The following RABGEF1 variants were observed in gnomAD, a reference collection of about 807,000 sequenced individuals.
The protein encoded by RABGEF1 is rab5 GDP/GTP exchange factor.
In RABGEF1, 26 loss-of-function variants were observed where a neutral mutation model predicts 57.3. The observed-to-expected ratio is 0.45, with a 90% CI of 0.33 to 0.63. The LOEUF (loss-of-function observed/expected upper bound fraction) is 0.63, where lower values mean the gene tolerates loss of function less well. RABGEF1 is among the 20% of genes least tolerant of loss of function. The pLI, the probability that RABGEF1 is intolerant of heterozygous loss-of-function variation, is 0.02. For missense variants in RABGEF1, 464 were observed against 607.6 expected (o/e 0.76, Z 2.48); for synonymous variants, 185 against 210.7 (o/e 0.88, Z 1.06).
chr7:66,757,799 G>A (rs1803142578), intron 1 of RABGEF1, among the ~76,000 whole-genome samples: 1 of 152,126 alleles, frequency 6.6e-6, no homozygotes, highest in Non-Finnish European at 1.5e-5. Context: ...TTTTAGTAGA[G>A]ACGGGGTTTC....
At chr7:66,792,092 CAG>C (rs1812814480) in intron 4 of RABGEF1, among the ~76,000 whole-genome samples, 1 of 141,178 alleles carries the variant, frequency 7.1e-6, no homozygotes, top group East Asian at 2.0e-4. Flanking sequence ...AGCCTGGCGA[CAG>C]AGCGAGACTC....
At chr7:66,709,772 T>C (rs62466146) in intron 1 of RABGEF1, among the ~76,000 whole-genome samples, 5,997 of 152,152 alleles carry the variant, frequency 0.039, 166 homozygotes, top group East Asian at 0.085. Flanking sequence ...CAAAACTCCA[T>C]GTCAAAGAAA....
chr7:66,779,917 A>G (rs1225185476), intron 3 of RABGEF1, among the ~76,000 whole-genome samples: 1 of 152,050 alleles, frequency 6.6e-6, no homozygotes, highest in East Asian at 1.9e-4. Flanking sequence ...TCTAATCCAA[A>G]CTTCTGGCCT....
chr7:66,776,795 G>A (rs1003378344), intron 3 of RABGEF1, among the ~76,000 whole-genome samples: 3 of 152,312 alleles, frequency 2.0e-5, no homozygotes, highest in African/African-American at 7.2e-5. Flanking sequence ...CGAAAAAGGG[G>A]GGAAAAATTA....
intron 1 of RABGEF1, among the ~76,000 whole-genome samples, chr7:66,684,801 A>AT (rs1226600155): frequency 3.3e-5 from 5 of 152,008 alleles, no homozygotes; most frequent in Non-Finnish European, 7.4e-5. Context: ...TGCCTGGCTA[A>AT]TTTTTTGTAT....
chr7:66,805,504 A>T, intron 8 of RABGEF1, 108 bp downstream of exon 8: 4 of 1,504,546 alleles, frequency 2.7e-6, no homozygotes, highest in Non-Finnish European at 3.6e-6. Flanking sequence ...CTGTGTGAGA[A>T]GGCAGCATGG....
chr7:66,773,826 C>A, intron 2 of RABGEF1: 1 of 424,560 alleles, frequency 2.4e-6, no homozygotes, highest in Non-Finnish European at 4.7e-6. Flanking sequence ...CCACCATGCC[C>A]AGCTAAGTTT....
chr7:66,704,614 T>C (rs543999900), intron 1 of RABGEF1, among the ~76,000 whole-genome samples: 2 of 151,808 alleles, frequency 1.3e-5, no homozygotes, highest in African/African-American at 4.8e-5. Flanking sequence ...ATCGAGACCA[T>C]CCTGGCTAAC....
At position 66,799,339 on chromosome 7, in the gene RABGEF1, A is replaced by C; in HGVS notation, c.745A>C (p.Thr249Pro). The change falls in exon 7 of 9, where the codon ACG becomes CCG. Residue 249 changes from threonine (T) to proline (P), a missense_variant. Transcript: ENST00000284957. ...TCTCTTTAGAGCCCTGCGCTGGGTT[A>C]CGCCTCAGATGCTGTGTGTCCCTGT... ...QKRIRALRWV[T>P]PQMLCVPVNE... is the part of the protein sequence containing the mutation. 6.2e-7 allele frequency: 1 copy of C among 1,609,236 alleles called. No individual in the cohort carries two copies. Among genetic ancestry groups the C allele is most frequent in the Non-Finnish European group, 8.5e-7 (1 of 1,175,570 alleles).
intron 1 of RABGEF1, chr7:66,755,829 G>C: frequency 2.4e-6 from 1 of 408,640 alleles, no homozygotes; most frequent in South Asian, 4.7e-5. Flanking sequence ...TGCTTGCTCT[G>C]CTCATTCCAG....
chr7:66,693,990 G>C (rs553345267), intron 1 of RABGEF1, among the ~76,000 whole-genome samples: 1 of 152,046 alleles, frequency 6.6e-6, no homozygotes, highest in Non-Finnish European at 1.5e-5. Flanking sequence ...TGTATTTTTA[G>C]TAGAGACGGG....
intron 3 of RABGEF1, among the ~76,000 whole-genome samples, chr7:66,780,900 A>G (rs1370678079): frequency 6.6e-6 from 1 of 152,028 alleles, no homozygotes; most frequent in African/African-American, 2.4e-5. Context: ...TTTTCCTTTC[A>G]TTAGTATTTA....
intron 2 of RABGEF1, 144 bp from the exon 3 acceptor site, chr7:66,775,083 A>T: frequency 2.4e-6 from 2 of 843,102 alleles, no homozygotes; most frequent in Admixed American, 3.0e-5. Context: ...TCCTGTAGCA[A>T]TGTGAGACCT....
chr7:66,667,798 GTTTA>G, the RABGEF1 span, among the ~76,000 whole-genome samples: 5 of 152,072 alleles, frequency 3.3e-5, no homozygotes, highest in African/African-American at 9.7e-5. Context: ...TTATTTATTT[GTTTA>G]TTTATTTATG....
chr7:66,715,153 G>C (rs535974514), intron 2 of RABGEF1, among the ~76,000 whole-genome samples: 2 of 151,102 alleles, frequency 1.3e-5, no homozygotes, highest in East Asian at 3.9e-4. Context: ...CCTGAGACAG[G>C]GTCTCACTCT....
intron 1 of RABGEF1, among the ~76,000 whole-genome samples, chr7:66,749,746 C>A (rs563736011): frequency 1.3e-5 from 2 of 152,136 alleles, no homozygotes; most frequent in East Asian, 3.9e-4. Context: ...CCAAGGCGGG[C>A]GGATCACGAG....
At chr7:66,768,700 A>G (rs929257325) in intron 1 of RABGEF1, 1 of 152,226 alleles carries the variant, frequency 6.6e-6, no homozygotes, top group African/African-American at 2.4e-5. Context: ...AGCCTTTGGT[A>G]CGGAATAGCG....
At chr7:66,777,332 G>T (rs1412179167) in intron 3 of RABGEF1, among the ~76,000 whole-genome samples, 1 of 152,000 alleles carries the variant, frequency 6.6e-6, no homozygotes, top group Non-Finnish European at 1.5e-5. Flanking sequence ...TTTACCCAAG[G>T]TTGCACAATG....
At chr7:66,655,800 A>G in the RABGEF1 span, among the ~76,000 whole-genome samples, 2 of 152,362 alleles carry the variant, frequency 1.3e-5, no homozygotes, top group East Asian at 3.9e-4. Flanking sequence ...ACTGATTCAT[A>G]TCTGCAGGAT....
Sources: allele counts gnomAD v4.1 joint callset (sites outside exome capture counted in the v4.1 genomes callset), GRCh38; gene constraint gnomAD v4.1.1; transcripts MANE v1.5; gene names NCBI Gene and HGNC (gene_info 2026-07-23, HGNC 2026-07-21).